STIM1: variants seen among roughly 807,000 people sequenced by gnomAD.
STIM1 encodes the protein stromal interaction molecule 1.
STIM1 carries 25 observed loss-of-function variants against 74.7 expected under a neutral mutation model. The ratio of observed to expected loss-of-function variants is 0.33; its 90% CI spans 0.24 to 0.47. The LOEUF (loss-of-function observed/expected upper bound fraction) is 0.47, where lower values mean the gene tolerates loss of function less well. Ranked by LOEUF, STIM1 falls within the 20% of genes least tolerant of loss-of-function variation. The pLI, the probability that STIM1 is intolerant of heterozygous loss-of-function variation, is 1.00. For synonymous variants in STIM1, 328 were observed against 348.8 expected, an observed-to-expected ratio of 0.94 and a Z score of 0.66; for missense variants, 728 against 920.8, an observed-to-expected ratio of 0.79 and a Z score of 2.71.
intron 11 of STIM1, among the ~76,000 whole-genome samples, chr11:4,085,631 A>G (rs2094489425): frequency 6.6e-6 from 1 of 152,194 alleles, no homozygotes; most frequent in Admixed American, 6.5e-5. Context: ...GAAATTTTTT[A>G]TGTGGTTAAG....
Position 4,074,985 on chromosome 11 carries a change from A to C in STIM1, c.969+306A>C, listed in dbSNP as rs139482017. Among the ~76,000 whole-genome samples, 68 of 152,134 alleles carry C rather than the reference A, an allele frequency of 4.5e-4. No homozygotes were observed. In the East Asian group the frequency reaches 0.012, roughly 26 times the overall value. Reference sequence around the variant, plus strand: ...GAAAGCCCATCTCTATTAAAAATACAAAAAAATTAGCCGGGTGTGGCGGCG... The same window carrying C: ...GAAAGCCCATCTCTATTAAAAATACCAAAAAATTAGCCGGGTGTGGCGGCG... On this transcript the variant is annotated intron_variant, in intron 7 of 12. Coordinates refer to ENST00000526596, the MANE Select transcript of STIM1 (RefSeq NM_001382567.1).
intron 5 of STIM1, among the ~76,000 whole-genome samples, chr11:4,060,899 T>G (rs960847838): frequency 1.3e-5 from 2 of 152,174 alleles, no homozygotes; most frequent in Non-Finnish European, 2.9e-5. Context: ...AGAAAGTAAT[T>G]CTTGAGCTGA....
At chr11:3,997,516 AAC>A (rs1480429975) in intron 2 of STIM1, among the ~76,000 whole-genome samples, 1 of 152,134 alleles carries the variant, frequency 6.6e-6, no homozygotes, top group African/African-American at 2.4e-5. Flanking sequence ...TTTAAGAGTG[AAC>A]ACTGTGATAG....
At chr11:3,969,441 C>T (rs1451873554) in intron 2 of STIM1, among the ~76,000 whole-genome samples, 1 of 152,104 alleles carries the variant, frequency 6.6e-6, no homozygotes, top group Non-Finnish European at 1.5e-5. Context: ...ATGATCATGC[C>T]ATTGCACTCC....
At chr11:4,064,299 A>C (rs1372805) in intron 5 of STIM1, among the ~76,000 whole-genome samples, 66,703 of 152,072 alleles carry the variant, frequency 0.44, 16,949 homozygotes, top group Non-Finnish European at 0.57. Context: ...GGGTGTTTAC[A>C]AAAAGTCCCT....
chr11:3,870,844 G>C lies in STIM1; in HGVS notation c.139+14435G>C, dbSNP rs115432560. 9.2e-3 allele frequency among the ~76,000 whole-genome samples: 1,380 copies of C among 149,710 alleles called. 24 individuals are homozygous for C. The highest frequency in any genetic ancestry group is 0.032 in the Middle Eastern group (9 of 282). ...GATATGGAGTGGCTGACAGAACACCGAGTGACCATATCCTATCAGCTACTC... is the reference window on the plus strand; with the variant it reads ...GATATGGAGTGGCTGACAGAACACCCAGTGACCATATCCTATCAGCTACTC... On this transcript the variant is annotated intron_variant, in intron 1 of 12. Coordinates refer to ENST00000526596, the MANE Select transcript of STIM1 (RefSeq NM_001382567.1).
chr11:4,014,326 G>C (rs975594622), intron 2 of STIM1, among the ~76,000 whole-genome samples: 7 of 152,174 alleles, frequency 4.6e-5, no homozygotes, highest in African/African-American at 1.7e-4. Context: ...TCCTTCAGGA[G>C]CAGGTTGTTC....
At chr11:4,019,529 G>T (rs1227379475) in intron 2 of STIM1, among the ~76,000 whole-genome samples, 1 of 151,896 alleles carries the variant, frequency 6.6e-6, no homozygotes, top group Non-Finnish European at 1.5e-5. Flanking sequence ...TAAAAAAATA[G>T]CTCGGTACCG....
chr11:4,034,678 A>G (rs965938980), intron 3 of STIM1, among the ~76,000 whole-genome samples: 2 of 152,298 alleles, frequency 1.3e-5, no homozygotes, highest in East Asian at 1.9e-4. Context: ...TGAAGAGTTC[A>G]TGTAGAATTG....
At chr11:4,074,291 T>G (rs886567614) in intron 6 of STIM1, among the ~76,000 whole-genome samples, 1 of 152,266 alleles carries the variant, frequency 6.6e-6, no homozygotes, top group African/African-American at 2.4e-5. Flanking sequence ...CCTTGATTAC[T>G]GGCAGCAAAA....
intron 5 of STIM1, among the ~76,000 whole-genome samples, chr11:4,063,531 T>G (rs1370870293): frequency 6.6e-6 from 1 of 152,250 alleles, no homozygotes; most frequent in African/African-American, 2.4e-5. Flanking sequence ...TATTATACAC[T>G]TAATAGACTA....
intron 1 of STIM1, among the ~76,000 whole-genome samples, chr11:3,932,027 G>A (rs950104670): frequency 6.6e-6 from 1 of 152,082 alleles, no homozygotes; most frequent in Admixed American, 6.5e-5. Context: ...TTTCCTGCCC[G>A]GCCTGTTGCT....
intron 1 of STIM1, among the ~76,000 whole-genome samples, chr11:3,941,671 T>TAGAGAGAG (rs1372399472): frequency 0.014 from 1,034 of 75,998 alleles, 4 homozygotes; most frequent in South Asian, 0.023. Flanking sequence ...TATATATATA[T>TAGAGAGAG]ATAGAGAGAG....
chr11:3,907,015 A>G (rs2092476286), intron 1 of STIM1, among the ~76,000 whole-genome samples: 2 of 152,306 alleles, frequency 1.3e-5, no homozygotes, highest in East Asian at 1.9e-4. Context: ...TGATGTTTTA[A>G]TTGCAAATTT....
chr11:3,885,029 G>A (rs2091653051), intron 1 of STIM1, among the ~76,000 whole-genome samples: 1 of 152,036 alleles, frequency 6.6e-6, no homozygotes, highest in South Asian at 2.1e-4. Context: ...TAATGGATAT[G>A]GGGTTTCTTT....
intron 2 of STIM1, chr11:3,973,833 C>A (rs538885586): frequency 1.4e-4 from 54 of 381,274 alleles, no homozygotes; most frequent in Non-Finnish European, 2.3e-4. Context: ...CCTGTCTCAG[C>A]CTCTTGAATA....
intron 3 of STIM1, among the ~76,000 whole-genome samples, chr11:4,053,779 A>G (rs1484021284): frequency 6.6e-6 from 1 of 152,160 alleles, no homozygotes; most frequent in African/African-American, 2.4e-5. Context: ...AATAGAAAAA[A>G]AAAAATTTTA....
chr11:4,028,543 G>T (rs1333405552), intron 3 of STIM1, among the ~76,000 whole-genome samples: 1 of 151,738 alleles, frequency 6.6e-6, no homozygotes, highest in East Asian at 1.9e-4. Context: ...CGAGTAGCTG[G>T]GATTACAGGC....
At chr11:3,860,707 G>A (rs2090561264) in intron 1 of STIM1, among the ~76,000 whole-genome samples, 1 of 152,104 alleles carries the variant, frequency 6.6e-6, no homozygotes. Flanking sequence ...CATCCAGAGA[G>A]GCATTAGAGG....
Sources: allele counts gnomAD v4.1 joint callset (sites outside exome capture counted in the v4.1 genomes callset), GRCh38; gene constraint gnomAD v4.1.1; transcripts MANE v1.5; gene names NCBI Gene and HGNC (gene_info 2026-07-23, HGNC 2026-07-21).